Variants in ZNF177 observed in about 807,000 individuals in gnomAD.
The protein encoded by ZNF177 is zinc finger protein 177.
In ZNF177, 17 loss-of-function variants were observed where a neutral mutation model predicts 19.4. The observed-to-expected ratio is 0.87, with a 90% CI of 0.60 to 1.31. The LOEUF is 1.31. Ranked by LOEUF, ZNF177 falls within the 40% of genes most tolerant of loss-of-function variation. ZNF177 has a pLI of 0.00. For synonymous variants in ZNF177, 220 were observed against 188.7 expected, an observed-to-expected ratio of 1.17 and a Z score of -1.36; for missense variants, 633 against 561.8, an observed-to-expected ratio of 1.13 and a Z score of -1.28.
upstream of ZNF177, among the ~76,000 whole-genome samples, chr19:9,372,651 A>C (rs536682742): frequency 6.8e-6 from 1 of 147,640 alleles, no homozygotes; most frequent in African/African-American, 2.6e-5. Flanking sequence ...GGTTCAAGCA[A>C]TTCTCCTGCC....
chr19:9,367,936 T>C (rs2068001576), intron 2 of ZNF177, among the ~76,000 whole-genome samples: 1 of 152,188 alleles, frequency 6.6e-6, no homozygotes, highest in Non-Finnish European at 1.5e-5. Context: ...CCTGAAATAA[T>C]GCAAACATTA....
chr19:9,365,938 A>AC (rs2067973039), intron 2 of ZNF177, among the ~76,000 whole-genome samples: 1 of 152,158 alleles, frequency 6.6e-6, no homozygotes, highest in South Asian at 2.1e-4. Flanking sequence ...GATCTTTCTC[A>AC]CAGAGCAAAG....
upstream of ZNF177, among the ~76,000 whole-genome samples, chr19:9,375,720 T>C (rs2068100621): frequency 1.3e-5 from 2 of 152,222 alleles, no homozygotes; most frequent in African/African-American, 4.8e-5. Flanking sequence ...TATTTTAATC[T>C]TAAGTAGTCT....
At chr19:9,373,061 TTAAC>T (rs1342953533), upstream of ZNF177, among the ~76,000 whole-genome samples, 2 of 152,180 alleles carry the variant, frequency 1.3e-5, no homozygotes, top group Admixed American at 1.3e-4. Flanking sequence ...CAGTACATCA[TTAAC>T]TATAGTCACC....
At chr19:9,373,026 ACT>A (rs1188416313), upstream of ZNF177, among the ~76,000 whole-genome samples, 5 of 152,106 alleles carry the variant, frequency 3.3e-5, no homozygotes, top group African/African-American at 1.2e-4. Context: ...TGTAAGATGC[ACT>A]CTCTTGGAAA....
intron 3 of ZNF177, 66 bp downstream of exon 5, chr19:9,379,154 C>T (rs2068153189): frequency 6.6e-7 from 1 of 1,512,794 alleles, no homozygotes; most frequent in Non-Finnish European, 8.9e-7. Context: ...TATTATGTTC[C>T]AGAATCTGTG....
chr19:9,379,377 AAG>A (rs1471684989), intron 3 of ZNF177, 148 bp from the exon 6 acceptor site: 1 of 1,222,876 alleles, frequency 8.2e-7, no homozygotes, highest in Admixed American at 2.8e-5. Flanking sequence ...TTGTGAAAGA[AAG>A]AGCTCGGCTC....
exon 6 of ZNF177, chr19:9,381,489 C>A: frequency 6.2e-7 from 1 of 1,611,936 alleles, no homozygotes; most frequent in Non-Finnish European, 8.5e-7. Flanking sequence ...TTAAGAAACA[C>A]ACACGCTCTC....
chr19:9,381,894 G>A, exon 6 of ZNF177: 1 of 1,450,402 alleles, frequency 6.9e-7, no homozygotes, highest in Non-Finnish European at 9.2e-7. Context: ...AACTCTGGAT[G>A]CCTGTTATAC....
At chr19:9,381,381 T>C in exon 6 of ZNF177, 1 of 1,613,338 alleles carries the variant, frequency 6.2e-7, no homozygotes, top group Non-Finnish European at 8.5e-7. Context: ...AGGCTTTCAC[T>C]GTTCCTTCAT....
intron 2 of ZNF177, among the ~76,000 whole-genome samples, chr19:9,367,867 A>G (rs564376460): frequency 1.3e-5 from 2 of 152,366 alleles, no homozygotes; most frequent in South Asian, 4.1e-4. Flanking sequence ...TAAAGGCTAT[A>G]TTAAATAAAA....
In ZNF177 at chr19:9,380,246, C is replaced by G. The variant is rs2068173954; in HGVS notation, c.336+107C>G. On this transcript the variant is annotated intron_variant, in intron 5 of 5. Coordinates refer to ENST00000589262, the Ensembl canonical transcript of ZNF177. ...CAGGGGTAAGAATTCAGGCACCAGGCTTTCACCAGAAAGCTGTCTCGGGAG... is the reference window on the plus strand; with the variant it reads ...CAGGGGTAAGAATTCAGGCACCAGGGTTTCACCAGAAAGCTGTCTCGGGAG... 11 of 1,306,816 alleles carry G rather than the reference C, an allele frequency of 8.4e-6. No homozygotes were observed. In the Admixed American group the frequency reaches 1.9e-4, roughly 22 times the overall value. 81.0% of individuals were successfully genotyped at this position (1,306,816 alleles called of 1,614,324 possible).
At chr19:9,366,822 A>C (rs566042778) in intron 2 of ZNF177, among the ~76,000 whole-genome samples, 2 of 152,292 alleles carry the variant, frequency 1.3e-5, no homozygotes, top group Non-Finnish European at 2.9e-5. Flanking sequence ...CCACAAAAAA[A>C]CAAGAGAATT....
chr19:9,365,710 G>A (rs990710031), intron 2 of ZNF177, among the ~76,000 whole-genome samples: 8 of 152,082 alleles, frequency 5.3e-5, no homozygotes, highest in African/African-American at 1.9e-4. Flanking sequence ...GGAGTTTTGG[G>A]TCCATGGATA....
chr19:9,378,831 C>T lies in ZNF177; in HGVS notation c.34-131C>T, dbSNP rs1164446163. On this transcript the variant is annotated intron_variant, in intron 2 of 5. Transcript: ENST00000589262. ...AGCTTTAAGGCAAATTAAGAGAAGG[C>T]CTCTGATGCATGTCTGAGCTTCCAG... The T allele has an allele frequency of 3.0e-6, 4 of 1,351,016 alleles. No individual in the cohort carries two copies. The East Asian group carries it at 7.3e-5, about 25-fold the overall frequency. 83.7% of individuals were successfully genotyped at this position (1,351,016 alleles called of 1,614,324 possible). A position where few individuals can be genotyped will look rare whatever the true frequency, so the allele number is the denominator to read the frequency against.
At chr19:9,368,986 C>T (rs2068014025) in intron 2 of ZNF177, among the ~76,000 whole-genome samples, 1 of 151,996 alleles carries the variant, frequency 6.6e-6, no homozygotes, top group African/African-American at 2.4e-5. Context: ...TTTGTGGGCA[C>T]ATAGTAGGTA....
chr19:9,369,183 GTGT>G (rs1216183323), intron 2 of ZNF177, among the ~76,000 whole-genome samples: 1 of 152,036 alleles, frequency 6.6e-6, no homozygotes, highest in East Asian at 1.9e-4. Context: ...CATACTCATT[GTGT>G]TGTTCAAATC....
At chr19:9,380,361 T>G (rs966780118) in intron 5 of ZNF177, among the ~76,000 whole-genome samples, 3 of 150,872 alleles carry the variant, frequency 2.0e-5, no homozygotes, top group Admixed American at 1.3e-4. Context: ...CAAGTAAACA[T>G]CTATGTAAAT....
Position 9,379,102 on chromosome 19 carries a change from C to T in ZNF177, c.160+14C>T. ...TGGCCTCAGTAGGTAAGGCTGGCCT[C>T]ATTTCTTCATTTGTTTATGTAGCAA... On this transcript the variant is annotated intron_variant, in intron 3 of 5. Coordinates refer to ENST00000589262, the Ensembl canonical transcript of ZNF177. 6.3e-7 allele frequency: 1 copy of T among 1,586,800 alleles called. No homozygotes were observed. Among genetic ancestry groups the T allele is most frequent in the East Asian group, 2.2e-5 (1 of 44,496 alleles).
Sources: allele counts gnomAD v4.1 joint callset (sites outside exome capture counted in the v4.1 genomes callset), GRCh38; gene constraint gnomAD v4.1.1; transcripts MANE v1.5; gene names NCBI Gene and HGNC (gene_info 2026-07-23, HGNC 2026-07-21).